The following RAI14 variants were observed in gnomAD, a reference collection of about 807,000 sequenced individuals.
The protein encoded by RAI14 is ankycorbin.
A neutral mutation model predicts 115.4 loss-of-function variants in RAI14; 45 were observed. The ratio of observed to expected loss-of-function variants is 0.39; its 90% confidence interval spans 0.31 to 0.50. The LOEUF is 0.50. RAI14 is among the 20% of genes least tolerant of loss of function. RAI14 has a pLI of 0.85. For synonymous variants in RAI14, 371 were observed against 415.4 expected (o/e 0.89, Z 1.30); for missense variants, 939 against 1,131.2 (o/e 0.83, Z 2.44).
At chr5:34,754,235 T>C (rs1372300974) in intron 2 of RAI14, among the ~76,000 whole-genome samples, 1 of 152,164 alleles carries the variant, frequency 6.6e-6, no homozygotes, top group African/African-American at 2.4e-5. Flanking sequence ...ATATGGCCAG[T>C]TGTGCATATC....
chr5:34,777,040 A>T (rs752444151), intron 3 of RAI14, among the ~76,000 whole-genome samples: 1 of 151,394 alleles, frequency 6.6e-6, no homozygotes, highest in African/African-American at 2.4e-5. Context: ...GCATAGTGGC[A>T]TGCACCCGTA....
At chr5:34,661,810 G>A (rs1477056271) in intron 1 of RAI14, among the ~76,000 whole-genome samples, 1 of 152,196 alleles carries the variant, frequency 6.6e-6, no homozygotes, top group African/African-American at 2.4e-5. Context: ...GCCATCCCAA[G>A]CAACATGAAG....
At chr5:34,747,737 T>G (rs1195123818) in intron 2 of RAI14, among the ~76,000 whole-genome samples, 1 of 152,220 alleles carries the variant, frequency 6.6e-6, no homozygotes, top group Non-Finnish European at 1.5e-5. Context: ...TTAAAGAGGT[T>G]AATTAATAGT....
chr5:34,701,814 CTT>C (rs112745892), intron 2 of RAI14, among the ~76,000 whole-genome samples: 27 of 144,044 alleles, frequency 1.9e-4, no homozygotes, highest in Admixed American at 1.4e-4. Context: ...TTGACTCTCC[CTT>C]TTTTTTTTTT....
At position 34,756,914 on chromosome 5, in the gene RAI14, G is replaced by A. The variant is rs1747960094; in HGVS notation, c.37-554G>A. Among the ~76,000 whole-genome samples the A allele has an allele frequency of 2.0e-5, 3 of 152,222 alleles. No individual in the cohort carries two copies. The South Asian group carries it at 6.2e-4, about 31-fold the overall frequency. ...CAGGAAGAAGTTTTGTTTCTGGTGA[G>A]ACTTTGTTGAGTCGGTAGCCTGGAC... is the stretch of plus-strand genomic sequence containing the variant. On this transcript the variant is annotated intron_variant, in intron 2 of 17. Coordinates refer to ENST00000265109, the MANE Select transcript of RAI14 (RefSeq NM_015577.3).
chr5:34,753,783 A>G (rs766036389), intron 2 of RAI14, among the ~76,000 whole-genome samples: 46 of 152,026 alleles, frequency 3.0e-4, no homozygotes, highest in Admixed American at 4.6e-4. Flanking sequence ...GCGTGGTGGC[A>G]TGTGCCTGTA....
At chr5:34,718,435 A>G (rs1742257035) in intron 2 of RAI14, among the ~76,000 whole-genome samples, 1 of 151,910 alleles carries the variant, frequency 6.6e-6, no homozygotes, top group African/African-American at 2.4e-5. Context: ...AAGACACATA[A>G]TGGTGAGATC....
At chr5:34,752,685 T>C in intron 2 of RAI14, among the ~76,000 whole-genome samples, 1 of 148,856 alleles carries the variant, frequency 6.7e-6, no homozygotes, top group East Asian at 2.0e-4. Flanking sequence ...GTAAGAAATA[T>C]CTATATTTCT....
intron 2 of RAI14, among the ~76,000 whole-genome samples, chr5:34,702,856 G>A (rs1009788586): frequency 3.9e-5 from 6 of 152,104 alleles, no homozygotes; most frequent in Non-Finnish European, 7.4e-5. Context: ...ACAGGCATGC[G>A]CCACCATGCC....
chr5:34,757,747 T>A, intron 3 of RAI14, 149 bp downstream of exon 3: 1 of 1,073,058 alleles, frequency 9.3e-7, no homozygotes, highest in Non-Finnish European at 1.2e-6. Context: ...TCTAGTGCCT[T>A]TCTCTCCAAA....
At chr5:34,681,954 CA>C (rs1224397924) in intron 1 of RAI14, among the ~76,000 whole-genome samples, 3 of 151,316 alleles carry the variant, frequency 2.0e-5, no homozygotes, top group South Asian at 2.1e-4. Context: ...CTCCTGGGCC[CA>C]AGCGATTCTC....
intron 1 of RAI14, among the ~76,000 whole-genome samples, chr5:34,666,163 T>C (rs2149847335): frequency 6.6e-6 from 1 of 152,272 alleles, no homozygotes; most frequent in Non-Finnish European, 1.5e-5. Context: ...AATGGAGATG[T>C]CCCAGGCCCC....
chr5:34,774,474 A>G (rs569251033), intron 3 of RAI14, among the ~76,000 whole-genome samples: 1 of 152,304 alleles, frequency 6.6e-6, no homozygotes, highest in East Asian at 1.9e-4. Context: ...CCAACAGCAA[A>G]CCATCTGAAA....
chr5:34,753,145 A>G (rs1747350478), intron 2 of RAI14, among the ~76,000 whole-genome samples: 4 of 152,094 alleles, frequency 2.6e-5, no homozygotes, highest in Admixed American at 2.0e-4. Flanking sequence ...GTCCTGTCCT[A>G]TGGAGGGCAT....
chr5:34,777,804 C>A (rs995634134), intron 3 of RAI14, among the ~76,000 whole-genome samples: 2 of 151,858 alleles, frequency 1.3e-5, no homozygotes, highest in Non-Finnish European at 2.9e-5. Flanking sequence ...AACAAAAAAA[C>A]CTGATCTCAT....
At chr5:34,723,625 G>A (rs981333524) in intron 2 of RAI14, among the ~76,000 whole-genome samples, 1 of 152,198 alleles carries the variant, frequency 6.6e-6, no homozygotes, top group Non-Finnish European at 1.5e-5. Context: ...CCGTCGCATA[G>A]TGGAGATGAG....
chr5:34,664,811 G>T (rs1396350256), intron 1 of RAI14, among the ~76,000 whole-genome samples: 1 of 150,692 alleles, frequency 6.6e-6, no homozygotes, highest in Non-Finnish European at 1.5e-5. Context: ...AGTCCATTTT[G>T]TCATTCTTAT....
chr5:34,697,708 T>C (rs1040860855), intron 2 of RAI14, among the ~76,000 whole-genome samples: 5 of 152,232 alleles, frequency 3.3e-5, no homozygotes, highest in Admixed American at 6.5e-5. Flanking sequence ...TGTAAGTTTA[T>C]GTTATAAGCT....
intron 2 of RAI14, among the ~76,000 whole-genome samples, chr5:34,723,966 T>G (rs1743133521): frequency 6.6e-6 from 1 of 152,186 alleles, no homozygotes; most frequent in Admixed American, 6.5e-5. Context: ...GCCTTAAGTA[T>G]TATTATTATC....
Sources: allele counts gnomAD v4.1 joint callset (sites outside exome capture counted in the v4.1 genomes callset), GRCh38; gene constraint gnomAD v4.1.1; transcripts MANE v1.5; gene names NCBI Gene and HGNC (gene_info 2026-07-23, HGNC 2026-07-21).